CEP57: variants seen among roughly 807,000 people sequenced by gnomAD.
CEP57 encodes centrosomal protein of 57 kDa.
In CEP57, 40 loss-of-function variants were observed where a neutral mutation model predicts 68.0. The ratio of observed to expected loss-of-function variants is 0.59; its 90% CI spans 0.46 to 0.77. The LOEUF (loss-of-function observed/expected upper bound fraction) is 0.77, where lower values mean the gene tolerates loss of function less well. CEP57 is among the 30% of genes least tolerant of loss of function. The probability of loss-of-function intolerance (pLI) is 0.00; values close to 1 mark genes in which losing one functional copy is unlikely to be tolerated. For synonymous variants in CEP57, 219 were observed against 198.7 expected (o/e 1.10, Z -0.86); for missense variants, 606 against 580.7 (o/e 1.04, Z -0.45).
At chr11:95,814,337 CTG>C (rs1591067800) in intron 4 of CEP57, among the ~76,000 whole-genome samples, 1 of 151,584 alleles carries the variant, frequency 6.6e-6, no homozygotes, top group East Asian at 1.9e-4. Context: ...GCATGAGCCA[CTG>C]TCCCTGGCCT....
intron 2 of CEP57, among the ~76,000 whole-genome samples, chr11:95,806,978 C>T (rs1861831505): frequency 6.6e-6 from 1 of 152,178 alleles, no homozygotes; most frequent in African/African-American, 2.4e-5. Flanking sequence ...CAGTAGGGGC[C>T]GACTGACACC....
chr11:95,828,170 C>G (rs567468497), intron 9 of CEP57, 143 bp downstream of exon 9: 1 of 925,554 alleles, frequency 1.1e-6, no homozygotes, highest in South Asian at 1.7e-5. Flanking sequence ...GTTACTGGGA[C>G]TTTAACAAAT....
At chr11:95,829,414 AGT>A in intron 10 of CEP57, 83 bp downstream of exon 10, 1 of 1,313,200 alleles carries the variant, frequency 7.6e-7, no homozygotes, top group Non-Finnish European at 1.1e-6. Context: ...GATGACACTA[AGT>A]GTATCATAGA....
chr11:95,813,127 AAATT>A lies in CEP57; in HGVS notation c.382+19_382+22del. 6.2e-7 allele frequency: 1 copy of A among 1,608,296 alleles called. No individual in the cohort carries two copies. The highest frequency in any genetic ancestry group is 2.2e-5 in the East Asian group (1 of 44,822). On this transcript the variant is annotated intron_variant, in intron 3 of 10. Coordinates refer to ENST00000325542, the MANE Select transcript of CEP57 (RefSeq NM_014679.5). ...CACAATCAAGGTTTGTTGATGAAGAAAATTAAAATTCTATCAAAATAAGTGTTGT... is the reference window on the plus strand; with the variant it reads ...CACAATCAAGGTTTGTTGATGAAGAAAAAATTCTATCAAAATAAGTGTTGT...
chr11:95,825,910 G>T (rs868707040), intron 8 of CEP57: 1 of 151,988 alleles, frequency 6.6e-6, no homozygotes, highest in African/African-American at 2.4e-5. Flanking sequence ...GAGCCACTGC[G>T]CCCAGCCTGC....
intron 2 of CEP57, among the ~76,000 whole-genome samples, chr11:95,805,505 C>T (rs1156608922): frequency 6.6e-6 from 1 of 152,120 alleles, no homozygotes; most frequent in Non-Finnish European, 1.5e-5. Flanking sequence ...ATATCCTAGG[C>T]ACTGAAAAAT....
Position 95,829,122 on chromosome 11 carries a change from G to C in CEP57, c.1128-65G>C, listed in dbSNP as rs199616632. On this transcript the variant is annotated intron_variant, in intron 9 of 10. Coordinates refer to ENST00000325542, the MANE Select transcript of CEP57 (RefSeq NM_014679.5). ...ACATGGAGCAGTAACCCATAATGAG[G>C]TATAATAGACCTAACCATGAAACAC... 3.6e-3 allele frequency: 5,528 copies of C among 1,536,630 alleles called. 15 individuals are homozygous for C. The highest frequency in any genetic ancestry group is 4.6e-3 in the Middle Eastern group (27 of 5,912).
chr11:95,802,752 T>C (rs1394648567), intron 2 of CEP57, among the ~76,000 whole-genome samples: 1 of 152,160 alleles, frequency 6.6e-6, no homozygotes, highest in East Asian at 1.9e-4. Flanking sequence ...AAAAGTGAAG[T>C]CTTACTATTA....
At chr11:95,810,343 C>G (rs1462408155) in intron 2 of CEP57, among the ~76,000 whole-genome samples, 2 of 152,170 alleles carry the variant, frequency 1.3e-5, no homozygotes, top group African/African-American at 4.8e-5. Flanking sequence ...GTTGGAACTT[C>G]TGGCCAGGGC....
intron 3 of CEP57, among the ~76,000 whole-genome samples, 155 bp downstream of exon 3, chr11:95,813,266 T>A (rs562005776): frequency 6.6e-6 from 1 of 152,376 alleles, no homozygotes; most frequent in South Asian, 2.1e-4. Context: ...CAAATGCTGT[T>A]GTCATACATG....
chr11:95,831,266 A>C lies in CEP57; in HGVS notation c.*10A>C. 1.3e-6 allele frequency: 2 copies of C among 1,583,204 alleles called. No homozygotes were observed. Among genetic ancestry groups the C allele is most frequent in the Non-Finnish European group, 1.7e-6 (2 of 1,152,760 alleles). ...GTGTTGGGATTACTGACTCATAACC[A>C]GGTCAGAAATTTTATTCAGATAATC... On this transcript the variant is annotated 3_prime_UTR_variant, in exon 11 of 11. Transcript: ENST00000325542.
chr11:95,806,555 C>T (rs996871940), intron 2 of CEP57, among the ~76,000 whole-genome samples: 10 of 152,198 alleles, frequency 6.6e-5, no homozygotes, highest in South Asian at 6.2e-4. Flanking sequence ...TCTTAGCAAA[C>T]GGCACACCAG....
chr11:95,809,707 A>T (rs1045178464), intron 2 of CEP57, among the ~76,000 whole-genome samples: 2 of 152,238 alleles, frequency 1.3e-5, no homozygotes, highest in African/African-American at 4.8e-5. Flanking sequence ...GGCAATAATT[A>T]ATAGCCTGCC....
chr11:95,817,735 TTC>T, intron 4 of CEP57, 50 bp from the exon 5 acceptor site: 1 of 1,241,952 alleles, frequency 8.1e-7, no homozygotes, highest in Non-Finnish European at 1.2e-6. Flanking sequence ...CTCAGTGTTT[TTC>T]TCTTTTTTGA....
rs927160598 is a variant in CEP57, at chr11:95,815,337, T to G, written c.504+1748T>G. 7 of 152,374 alleles carry G rather than the reference T, an allele frequency of 4.6e-5. No individual in the cohort carries two copies. In the South Asian group the frequency reaches 1.4e-3, roughly 32 times the overall value. The allele number at this position is 152,374 out of a possible 1,614,324, so 9.4% of individuals were successfully genotyped here. ...TTTTTCATTTTCATTTGGGTCTTTTTCCATCCACTTAGTTTTGTTCTTTGA... is the reference window on the plus strand; with the variant it reads ...TTTTTCATTTTCATTTGGGTCTTTTGCCATCCACTTAGTTTTGTTCTTTGA... On this transcript the variant is annotated intron_variant, in intron 4 of 10. Coordinates refer to ENST00000325542, the MANE Select transcript of CEP57 (RefSeq NM_014679.5).
rs552778768 is a variant in CEP57 at position 95,806,885 on chromosome 11, C to T, written c.203-6047C>T. Among the ~76,000 whole-genome samples the T allele has an allele frequency of 8.7e-4, 133 of 152,270 alleles. 2 individuals are homozygous for T. Among genetic ancestry groups the T allele is most frequent in the Admixed American group, 5.8e-3 (88 of 15,302 alleles). ...GAAGAGAGCAGTGGTTTTCCCAGCACGGAGTTTGAGATCTGAGAACGGACA... is the reference window on the plus strand; with the variant it reads ...GAAGAGAGCAGTGGTTTTCCCAGCATGGAGTTTGAGATCTGAGAACGGACA... On this transcript the variant is annotated intron_variant, in intron 2 of 10. Coordinates refer to ENST00000325542, the MANE Select transcript of CEP57 (RefSeq NM_014679.5).
chr11:95,813,843 C>G (rs1862182199), intron 4 of CEP57, among the ~76,000 whole-genome samples: 1 of 152,152 alleles, frequency 6.6e-6, no homozygotes, highest in African/African-American at 2.4e-5. Context: ...TTCTTTGAGT[C>G]TACATTATAA....
intron 5 of CEP57, 101 bp downstream of exon 5, chr11:95,818,004 C>G: frequency 1.3e-6 from 1 of 752,660 alleles, no homozygotes; most frequent in Non-Finnish European, 2.4e-6. Context: ...TAAAAGTGAT[C>G]TTATAATGAA....
At chr11:95,793,006 C>G (rs910616608) in intron 1 of CEP57, among the ~76,000 whole-genome samples, 8 of 152,048 alleles carry the variant, frequency 5.3e-5, no homozygotes, top group Admixed American at 2.6e-4. Context: ...AGATTAACAA[C>G]TGTTATATTC....
Sources: allele counts gnomAD v4.1 joint callset (sites outside exome capture counted in the v4.1 genomes callset), GRCh38; gene constraint gnomAD v4.1.1; transcripts MANE v1.5; gene names NCBI Gene and HGNC (gene_info 2026-07-23, HGNC 2026-07-21).